The following CTTNBP2 variants were observed in gnomAD, a reference collection of about 807,000 sequenced individuals.
The protein encoded by CTTNBP2 is cortactin binding protein 2, also known as cortactin-binding protein 2.
In CTTNBP2, 108 loss-of-function variants were observed where a neutral mutation model predicts 156.9. That is an observed-to-expected ratio of 0.69 (90% CI 0.59 to 0.81). CTTNBP2 has a LOEUF of 0.81. Ranked by LOEUF, CTTNBP2 falls within the 30% of genes least tolerant of loss-of-function variation. CTTNBP2 has a pLI of 0.00. For synonymous variants in CTTNBP2, 767 were observed against 751.8 expected (o/e 1.02, Z -0.33); for missense variants, 1,924 against 2,035.4 (o/e 0.95, Z 1.05).
At chr7:117,773,692 CACACACACA>C (rs1797925860) in intron 8 of CTTNBP2, among the ~76,000 whole-genome samples, 1 of 148,344 alleles carries the variant, frequency 6.7e-6, no homozygotes, top group African/African-American at 2.6e-5. Context: ...CACACACACA[CACACACACA>C]CACACACCCC....
intron 2 of CTTNBP2, among the ~76,000 whole-genome samples, chr7:117,830,295 C>T (rs1359008225): frequency 6.6e-6 from 1 of 152,162 alleles, no homozygotes; most frequent in Non-Finnish European, 1.5e-5. Flanking sequence ...CTAAAGCTGA[C>T]CTAAGTTACA....
chr7:117,828,998 G>A (rs1801453320), intron 2 of CTTNBP2, among the ~76,000 whole-genome samples: 1 of 152,230 alleles, frequency 6.6e-6, no homozygotes, highest in South Asian at 2.1e-4. Flanking sequence ...ATGACTGGCT[G>A]TGGTCAATTT....
intron 10 of CTTNBP2, 164 bp from the exon 11 acceptor site, chr7:117,758,134 C>G (rs747857450): frequency 2.9e-5 from 16 of 559,842 alleles, no homozygotes; most frequent in Non-Finnish European, 4.1e-5. Context: ...GGTTAGCTCC[C>G]TAATGAAATT....
At chr7:117,802,692 A>G (rs1291152277) in intron 3 of CTTNBP2, among the ~76,000 whole-genome samples, 2 of 152,162 alleles carry the variant, frequency 1.3e-5, no homozygotes, top group Non-Finnish European at 2.9e-5. Flanking sequence ...AACAAGCAAA[A>G]AGCAAATAAC....
intron 2 of CTTNBP2, among the ~76,000 whole-genome samples, chr7:117,820,917 C>A (rs1259828797): frequency 6.6e-6 from 1 of 152,110 alleles, no homozygotes; most frequent in Non-Finnish European, 1.5e-5. Context: ...TATATTCTCT[C>A]AGCAATTTTC....
intron 2 of CTTNBP2, among the ~76,000 whole-genome samples, chr7:117,823,561 A>G: frequency 6.6e-6 from 1 of 152,228 alleles, no homozygotes; most frequent in Middle Eastern, 3.2e-3. Flanking sequence ...CTAACCACGC[A>G]TAAGAATCAC....
intron 12 of CTTNBP2, among the ~76,000 whole-genome samples, chr7:117,749,033 G>C (rs2116580523): frequency 6.6e-6 from 1 of 152,256 alleles, no homozygotes; most frequent in East Asian, 1.9e-4. Flanking sequence ...TCCACACCCT[G>C]GAACTGTGAG....
chr7:117,786,107 G>A (rs1453492368), intron 4 of CTTNBP2, among the ~76,000 whole-genome samples: 1 of 151,960 alleles, frequency 6.6e-6, no homozygotes, highest in Non-Finnish European at 1.5e-5. Flanking sequence ...ACATATCAAA[G>A]GAACTTAGTA....
Position 117,819,365 on chromosome 7 carries a change from TCTCA to T in CTTNBP2, c.190-8380_190-8377del, listed in dbSNP as rs1157483164. 2.5e-3 allele frequency among the ~76,000 whole-genome samples: 345 copies of T among 136,902 alleles called. 6 individuals carry two copies. The highest frequency in any genetic ancestry group is 0.012 in the East Asian group (57 of 4,920). 89.8% of individuals were successfully genotyped at this position (136,902 alleles called of 152,430 possible). A position where few individuals can be genotyped will look rare whatever the true frequency, so the allele number is the denominator to read the frequency against. On this transcript the variant is annotated intron_variant, in intron 2 of 22. Transcript: ENST00000160373. ...TCTTTCTCTTTTCTCCTTCTCTCTCTCTCACACACACACACACACACACACACAC... is the reference window on the plus strand; with the variant it reads ...TCTTTCTCTTTTCTCCTTCTCTCTCTCACACACACACACACACACACACAC...
Position 117,745,838 on chromosome 7 carries a change from A to G in CTTNBP2, c.3528T>C (p.Ile1176=). Reference sequence around the variant, plus strand: ...TTGCTGAAATGTTCTTACCGCTACTAATGAACAGGTCTAGTAGCTGTTCCT... The same window carrying G: ...TTGCTGAAATGTTCTTACCGCTACTGATGAACAGGTCTAGTAGCTGTTCCT... ...FSKEQLLDLF[I]SSACLIPVKQ... Residue 1176 remains isoleucine, a synonymous_variant, in exon 14 of 23, where the codon ATT becomes ATC. Transcript: ENST00000160373. 6.2e-7 allele frequency: 1 copy of G among 1,611,252 alleles called. No homozygotes were observed. Among genetic ancestry groups the G allele is most frequent in the East Asian group, 2.2e-5 (1 of 44,860 alleles).
Position 117,792,276 on chromosome 7 carries a change from C to T in CTTNBP2, c.920G>A (p.Cys307Tyr). ...TEGTVTRSVA[C>Y]QTDLVTENAD... Reference sequence around the variant, plus strand: ...ATTTTCTGTCACTAGGTCTGTCTGGCATGCAACAGACCTTGTCACAGTTCC... The same window carrying T: ...ATTTTCTGTCACTAGGTCTGTCTGGTATGCAACAGACCTTGTCACAGTTCC... Residue 307 changes from cysteine (C) to tyrosine (Y), a missense_variant, in exon 4 of 23, where the codon TGC (cysteine) becomes TAC (tyrosine). By Grantham distance (194) the Cys-to-Tyr change is radical. Transcript: ENST00000160373. This position sits in a 1 kb window ranked among gnomAD's most constrained non-coding sequence, Gnocchi z 4.2. The T allele has an allele frequency of 1.9e-6, 3 of 1,614,194 alleles. No individual in the cohort carries two copies. The highest frequency in any genetic ancestry group is 2.5e-6 in the Non-Finnish European group (3 of 1,180,030).
intron 4 of CTTNBP2, among the ~76,000 whole-genome samples, chr7:117,790,635 A>G (rs1259740581): frequency 1.3e-5 from 2 of 151,960 alleles, no homozygotes; most frequent in African/African-American, 4.8e-5. Context: ...AACTGATATT[A>G]GAACTTAAAA....
At chr7:117,827,518 T>C (rs1248862370) in intron 2 of CTTNBP2, among the ~76,000 whole-genome samples, 5 of 152,140 alleles carry the variant, frequency 3.3e-5, no homozygotes, top group Non-Finnish European at 7.4e-5. Context: ...TTACAAAAAA[T>C]AGACACATGA....
intron 2 of CTTNBP2, among the ~76,000 whole-genome samples, chr7:117,850,280 G>A (rs2024492): frequency 0.65 from 98,805 of 152,068 alleles, 33,573 homozygotes; most frequent in African/African-American, 0.87. Context: ...TGGGACCTAT[G>A]TATATGGTTT....
chr7:117,780,074 A>G (rs935001064), intron 7 of CTTNBP2, among the ~76,000 whole-genome samples: 2 of 152,200 alleles, frequency 1.3e-5, no homozygotes, highest in Non-Finnish European at 2.9e-5. Flanking sequence ...CTCTGCTTAT[A>G]TTATTAACCA....
chr7:117,855,526 G>A (rs1803247102), intron 2 of CTTNBP2, among the ~76,000 whole-genome samples: 1 of 152,130 alleles, frequency 6.6e-6, no homozygotes, highest in Non-Finnish European at 1.5e-5. Context: ...CCTTCTTGTT[G>A]TCACAACCAA....
intron 22 of CTTNBP2, chr7:117,713,922 C>CCACCT (rs1794196133): frequency 6.6e-6 from 1 of 151,944 alleles, no homozygotes; most frequent in Admixed American, 6.5e-5. Flanking sequence ...GGGGTCCAGG[C>CCACCT]CACCTGCATT....
At chr7:117,859,563 A>C (rs929282190) in intron 2 of CTTNBP2, among the ~76,000 whole-genome samples, 1 of 152,214 alleles carries the variant, frequency 6.6e-6, no homozygotes, top group Non-Finnish European at 1.5e-5. Flanking sequence ...ACAAGAGGCT[A>C]TACTACTGGC....
rs755614753 is a variant in CTTNBP2, at chr7:117,791,381, C to T, written c.1815G>A (p.Lys605=). The change falls in exon 4 of 23, where the codon AAG becomes AAA. Residue 605 remains lysine, a synonymous_variant. Coordinates refer to ENST00000160373, the MANE Select transcript of CTTNBP2 (RefSeq NM_033427.3). The part of the protein sequence containing the change: ...NRVINEENLP[K]SSSPQLPPKP... ...TTGGTGGCAGCTGAGGGGAGGATGA[C>T]TTAGGAAGGTTCTCCTCATTGATCA... 5.6e-6 allele frequency: 9 copies of T among 1,614,138 alleles called. No homozygotes were observed. Among genetic ancestry groups the T allele is most frequent in the Admixed American group, 1.7e-5 (1 of 60,022 alleles).
Sources: allele counts gnomAD v4.1 joint callset (sites outside exome capture counted in the v4.1 genomes callset), GRCh38; gene constraint gnomAD v4.1.1; non-coding constraint Gnocchi (gnomAD v3.1); transcripts MANE v1.5; gene names NCBI Gene and HGNC (gene_info 2026-07-23, HGNC 2026-07-21).